Variants in SRP54 observed in about 807,000 individuals in gnomAD.
The protein encoded by SRP54 is signal recognition particle subunit SRP54.
SRP54 carries 10 observed loss-of-function variants against 64.8 expected under a neutral mutation model. The ratio of observed to expected loss-of-function variants is 0.15; its 90% CI spans 0.10 to 0.26. SRP54 has a LOEUF of 0.26. SRP54 is among the 10% of genes least tolerant of loss of function. The pLI is 1.00. For missense variants in SRP54, 325 were observed against 613.7 expected (o/e 0.53, Z 4.97); for synonymous variants, 193 against 185.6 (o/e 1.04, Z -0.32).
At chr14:35,002,656 C>T (rs548242090) in intron 4 of SRP54, among the ~76,000 whole-genome samples, 184 of 149,230 alleles carry the variant, frequency 1.2e-3, no homozygotes, top group African/African-American at 4.2e-3. Context: ...AGGATGGTCT[C>T]TATCTCTTGA....
intron 5 of SRP54, among the ~76,000 whole-genome samples, chr14:35,007,836 T>C (rs2044291956): frequency 6.6e-6 from 1 of 150,594 alleles, no homozygotes; most frequent in Admixed American, 6.6e-5. Context: ...ATATTGTTGC[T>C]TTATAATTTT....
At chr14:35,023,234 T>C (rs904894145) in intron 14 of SRP54, among the ~76,000 whole-genome samples, 154 bp downstream of exon 14, 1 of 151,726 alleles carries the variant, frequency 6.6e-6, no homozygotes, top group African/African-American at 2.4e-5. Context: ...TCTGTTTTCA[T>C]ATTCAAGGTA....
chr14:35,007,738 A>G (rs576069287), intron 5 of SRP54, among the ~76,000 whole-genome samples: 24 of 146,210 alleles, frequency 1.6e-4, no homozygotes, highest in African/African-American at 5.7e-4. Context: ...ATTTTATTAA[A>G]ATATATTTAC....
intron 5 of SRP54, among the ~76,000 whole-genome samples, chr14:35,008,333 T>A (rs1457782182): frequency 6.6e-6 from 1 of 152,208 alleles, no homozygotes; most frequent in African/African-American, 2.4e-5. Context: ...AAAGGATGAT[T>A]TTTAGATCGT....
chr14:35,020,441 T>A (rs1444899652), intron 13 of SRP54, among the ~76,000 whole-genome samples: 1 of 152,226 alleles, frequency 6.6e-6, no homozygotes, highest in Non-Finnish European at 1.5e-5. Flanking sequence ...TTCGATAGCA[T>A]TTTACCCACA....
chr14:35,013,341 T>C lies in SRP54; in HGVS notation c.637-5T>C, dbSNP rs771505819. Reference sequence around the variant, plus strand: ...TAAAGTATCTTTTCTATTTAAACTTTCTAGCAACCTGATAACATTGTTTAT... The same window carrying C: ...TAAAGTATCTTTTCTATTTAAACTTCCTAGCAACCTGATAACATTGTTTAT... On this transcript the variant is annotated splice_polypyrimidine_tract_variant and splice_region_variant and intron_variant, in intron 8 of 15. Transcript: ENST00000216774. 2 of 1,611,492 alleles carry C rather than the reference T, an allele frequency of 1.2e-6. No homozygotes were observed. Among genetic ancestry groups the C allele is most frequent in the South Asian group, 2.2e-5 (2 of 90,782 alleles).
At position 34,996,768 on chromosome 14, in the gene SRP54, C is replaced by T. The variant is rs753470590; in HGVS notation, c.59C>T (p.Ala20Val). 1 of 1,611,064 alleles carries T rather than the reference C, an allele frequency of 6.2e-7. No individual in the cohort carries two copies. Among genetic ancestry groups the T allele is most frequent in the Non-Finnish European group, 8.5e-7 (1 of 1,177,426 alleles). Residue 20 changes from alanine (A) to valine (V), a missense_variant, in exon 2 of 16, where the codon GCC becomes GTC. Ala to Val is a moderately conservative substitution (Grantham distance 64, BLOSUM62 0). Transcript: ENST00000216774. ...ITSALRSLSN[A>V]TIINEEVLNA... is the part of the protein sequence containing the mutation. ...TCAGCATTACGCTCGTTGAGCAATG[C>T]CACCATTATCAATGAAGAGGTATGT... is the stretch of plus-strand genomic sequence containing the variant.
intron 14 of SRP54, among the ~76,000 whole-genome samples, chr14:35,024,010 A>G (rs2044579011): frequency 6.6e-6 from 1 of 152,028 alleles, no homozygotes; most frequent in Non-Finnish European, 1.5e-5. Flanking sequence ...TTGTAGTAAT[A>G]TAATTTCCAT....
At chr14:35,008,600 T>G in intron 5 of SRP54, 27 bp from the exon 6 acceptor site, 1 of 1,438,318 alleles carries the variant, frequency 7.0e-7, no homozygotes, top group Non-Finnish European at 9.3e-7. Flanking sequence ...TTTATGATAT[T>G]ATATTTTTAA....
chr14:35,023,164 T>G, intron 14 of SRP54, 84 bp downstream of exon 14: 1 of 1,144,678 alleles, frequency 8.7e-7, no homozygotes, highest in Non-Finnish European at 1.2e-6. Flanking sequence ...ATTGGAAAAT[T>G]CACAGCTGAA....
intron 1 of SRP54, among the ~76,000 whole-genome samples, chr14:34,991,109 C>CT (rs71435838): frequency 0.18 from 20,051 of 110,810 alleles, 1,855 homozygotes; most frequent in Non-Finnish European, 0.24. Context: ...AATTTCTTTT[C>CT]TTTTTTTTTT....
intron 11 of SRP54, among the ~76,000 whole-genome samples, chr14:35,017,658 A>G (rs1198856827): frequency 6.6e-6 from 1 of 152,086 alleles, no homozygotes. Flanking sequence ...GGCTTGTTCC[A>G]TCCCTGTTTT....
At chr14:34,996,028 G>A (rs914504164) in intron 1 of SRP54, among the ~76,000 whole-genome samples, 1 of 146,494 alleles carries the variant, frequency 6.8e-6, no homozygotes, top group African/African-American at 2.5e-5. Flanking sequence ...TCACACCACT[G>A]CACTCCAGCT....
intron 7 of SRP54, among the ~76,000 whole-genome samples, 186 bp downstream of exon 7, chr14:35,009,017 A>ACTGGGATTACAGGTGCC (rs1375329640): frequency 1.3e-5 from 2 of 151,408 alleles, no homozygotes; most frequent in African/African-American, 4.9e-5. Context: ...TTCCTGAGTA[A>ACTGGGATTACAGGTGCC]CTGGGATTAC....
rs922133090 is a variant in SRP54 at position 35,029,473 on chromosome 14, G to T, written c.*321G>T. 23 of 205,866 alleles carry T rather than the reference G, an allele frequency of 1.1e-4. No homozygotes were observed. Among genetic ancestry groups the T allele is most frequent in the Non-Finnish European group, 9.8e-5 (10 of 102,410 alleles). The allele number at this position is 205,866 out of a possible 1,614,324, so 12.8% of individuals were successfully genotyped here. A position where few individuals can be genotyped will look rare whatever the true frequency, so the allele number is the denominator to read the frequency against. The stretch of plus-strand genomic sequence containing the variant: ...TTAAAGGTTTTTAATTATCTCGAAG[G>T]CCAAGCATTGCATTTGTAAACAGTC... On this transcript the variant is annotated 3_prime_UTR_variant, in exon 16 of 16. Transcript: ENST00000216774.
chr14:34,998,965 T>TTGTGTG lies in SRP54; in HGVS notation c.79-591_79-586dup, dbSNP rs1203724098. 1.9e-4 allele frequency among the ~76,000 whole-genome samples: 23 copies of TTGTGTG among 121,774 alleles called. 2 individuals are homozygous for TTGTGTG. The highest frequency in any genetic ancestry group is 8.4e-4 in the East Asian group (4 of 4,764). 79.9% of individuals were successfully genotyped at this position (121,774 alleles called of 152,430 possible). A position where few individuals can be genotyped will look rare whatever the true frequency, so the allele number is the denominator to read the frequency against. ...CTTGAATATTGTCTTTATTATTACTTTGTGTGTATGTGTGTGTGTGTGTGT... is the reference window on the plus strand; with the variant it reads ...CTTGAATATTGTCTTTATTATTACTTTGTGTGTGTGTGTATGTGTGTGTGTGTGTGT... On this transcript the variant is annotated intron_variant, in intron 2 of 15. Transcript: ENST00000216774.
chr14:35,002,848 A>G (rs571032952), intron 4 of SRP54, among the ~76,000 whole-genome samples: 145 of 143,388 alleles, frequency 1.0e-3, no homozygotes, highest in African/African-American at 3.6e-3. Flanking sequence ...GGCTCAAACA[A>G]TCCTCCTGCC....
At chr14:34,998,727 C>G (rs2044109001) in intron 2 of SRP54, among the ~76,000 whole-genome samples, 1 of 151,508 alleles carries the variant, frequency 6.6e-6, no homozygotes, top group African/African-American at 2.4e-5. Context: ...ACAGGAGAAT[C>G]TCTTGAATCT....
intron 11 of SRP54, among the ~76,000 whole-genome samples, chr14:35,015,327 C>CA: frequency 6.6e-6 from 1 of 152,304 alleles, no homozygotes; most frequent in South Asian, 2.1e-4. Context: ...CCACCCACCT[C>CA]AGCCTCCCAA....
Sources: allele counts gnomAD v4.1 joint callset (sites outside exome capture counted in the v4.1 genomes callset), GRCh38; gene constraint gnomAD v4.1.1; transcripts MANE v1.5; gene names NCBI Gene and HGNC (gene_info 2026-07-23, HGNC 2026-07-21).